The following PCDH9 variants were observed in gnomAD, a reference collection of about 807,000 sequenced individuals.
PCDH9 encodes the protein protocadherin-9.
A neutral mutation model predicts 70.6 loss-of-function variants in PCDH9; 24 were observed. That is an observed-to-expected ratio of 0.34 (90% CI 0.25 to 0.48). PCDH9 has a LOEUF of 0.48. Ranked by LOEUF, PCDH9 falls within the 20% of genes least tolerant of loss-of-function variation. PCDH9 has a pLI of 0.99. For missense variants in PCDH9, 1,281 were observed against 1,503.6 expected (o/e 0.85, Z 2.45); for synonymous variants, 562 against 558.5 (o/e 1.01, Z -0.09).
intron 2 of PCDH9, chr13:67,204,021 GA>G (rs942661830): frequency 6.4e-4 from 97 of 151,936 alleles, no homozygotes; most frequent in Non-Finnish European, 1.0e-3. Flanking sequence ...AAAAGACATG[GA>G]AAAAATATTT....
intron 2 of PCDH9, among the ~76,000 whole-genome samples, chr13:67,040,966 T>G (rs2085102322): frequency 6.6e-6 from 1 of 152,132 alleles, no homozygotes; most frequent in South Asian, 2.1e-4. Flanking sequence ...AATATTGGCA[T>G]GGCTGAAGAA....
At chr13:66,680,430 C>T (rs1031260534) in intron 3 of PCDH9, among the ~76,000 whole-genome samples, 1 of 151,874 alleles carries the variant, frequency 6.6e-6, no homozygotes, top group African/African-American at 2.4e-5. Flanking sequence ...TCTAGTTAAC[C>T]TGGACAGTTT....
At chr13:67,016,578 T>C (rs901976270) in intron 2 of PCDH9, among the ~76,000 whole-genome samples, 1 of 152,154 alleles carries the variant, frequency 6.6e-6, no homozygotes, top group Non-Finnish European at 1.5e-5. Flanking sequence ...CCTACAAATC[T>C]CCTATAAAAC....
intron 2 of PCDH9, among the ~76,000 whole-genome samples, chr13:67,125,841 A>ATG (rs34815072): frequency 0.14 from 21,261 of 150,068 alleles, 1,702 homozygotes; most frequent in East Asian, 0.26. Flanking sequence ...GTATATATAT[A>ATG]TGTGTGTGTG....
In PCDH9 at chr13:66,304,357, T is replaced by A. The variant is rs1192213846; in HGVS notation, c.*298A>T. The A allele has an allele frequency of 2.4e-5, 5 of 211,966 alleles. No individual in the cohort carries two copies. Among genetic ancestry groups the A allele is most frequent in the Non-Finnish European group, 4.6e-5 (5 of 107,614 alleles). The allele number at this position is 211,966 out of a possible 1,614,324, so 13.1% of individuals were successfully genotyped here. A position where few individuals can be genotyped will look rare whatever the true frequency, so the allele number is the denominator to read the frequency against. On this transcript the variant is annotated 3_prime_UTR_variant, in exon 5 of 5. Coordinates refer to ENST00000377865, the MANE Select transcript of PCDH9 (RefSeq NM_203487.3). ...GAAACTTTCTTACTTTCCAAATGCA[T>A]ATTCTATTGTTCATAGCAGCAGTCC...
intron 2 of PCDH9, chr13:67,217,459 A>G (rs758314424): frequency 3.9e-5 from 6 of 152,102 alleles, no homozygotes; most frequent in Admixed American, 2.6e-4. Context: ...TAAAATATGC[A>G]TGGCTATTTG....
chr13:67,192,041 G>A (rs939828380), intron 2 of PCDH9, among the ~76,000 whole-genome samples: 4 of 151,596 alleles, frequency 2.6e-5, no homozygotes, highest in African/African-American at 4.8e-5. Context: ...GTAATTTGTC[G>A]ATTAGTAAAT....
chr13:67,220,890 A>T (rs536161184), intron 2 of PCDH9: 1 of 152,230 alleles, frequency 6.6e-6, no homozygotes, highest in African/African-American at 2.4e-5. Flanking sequence ...GATGGAAAGA[A>T]AAATAGTCAA....
intron 2 of PCDH9, among the ~76,000 whole-genome samples, chr13:67,129,630 T>C (rs2087061744): frequency 6.6e-6 from 1 of 151,824 alleles, no homozygotes. Context: ...AATATACATA[T>C]ATATATATGT....
chr13:66,900,564 T>C (rs914632470), intron 3 of PCDH9, among the ~76,000 whole-genome samples: 2 of 151,824 alleles, frequency 1.3e-5, no homozygotes, highest in Admixed American at 6.6e-5. Flanking sequence ...TTTTTCTCAA[T>C]AGCTGATATA....
At chr13:66,399,843 TAAAC>T (rs1316540835) in intron 4 of PCDH9, among the ~76,000 whole-genome samples, 5 of 152,000 alleles carry the variant, frequency 3.3e-5, no homozygotes, top group Non-Finnish European at 5.9e-5. Context: ...AACAAACAAA[TAAAC>T]AAAACCCACC....
intron 3 of PCDH9, among the ~76,000 whole-genome samples, chr13:66,769,169 T>A (rs1274890782): frequency 6.6e-6 from 1 of 152,022 alleles, no homozygotes; most frequent in African/African-American, 2.4e-5. Context: ...TTTAAAATAG[T>A]ATTCCCACCC....
intron 3 of PCDH9, among the ~76,000 whole-genome samples, chr13:66,813,351 T>A (rs2080542970): frequency 6.6e-6 from 1 of 152,032 alleles, no homozygotes; most frequent in Admixed American, 6.6e-5. Context: ...AAAATATTAA[T>A]AATAGAGATT....
intron 3 of PCDH9, among the ~76,000 whole-genome samples, chr13:66,701,146 C>T (rs2078641249): frequency 1.3e-5 from 2 of 150,730 alleles, no homozygotes; most frequent in African/African-American, 2.4e-5. Context: ...TCAAAATGAC[C>T]ATTTATATGA....
chr13:66,726,319 G>A (rs2079004725), intron 3 of PCDH9, among the ~76,000 whole-genome samples: 1 of 152,122 alleles, frequency 6.6e-6, no homozygotes, highest in Admixed American at 6.6e-5. Context: ...AAGACAAAGG[G>A]TGGTCTTGAC....
chr13:66,710,959 G>C (rs7330555), intron 3 of PCDH9, among the ~76,000 whole-genome samples: 51,054 of 151,824 alleles, frequency 0.34, 9,021 homozygotes, highest in East Asian at 0.51. Flanking sequence ...GCTAATCTCT[G>C]CAGTTCACAT....
chr13:66,774,406 G>T (rs2139281626), intron 3 of PCDH9, among the ~76,000 whole-genome samples: 1 of 146,324 alleles, frequency 6.8e-6, no homozygotes, highest in Admixed American at 6.7e-5. Context: ...GCAGAAGAAA[G>T]AGGGGGGAAA....
chr13:66,864,458 G>A (rs965033695), intron 3 of PCDH9, among the ~76,000 whole-genome samples: 2 of 152,078 alleles, frequency 1.3e-5, no homozygotes, highest in Non-Finnish European at 2.9e-5. Context: ...CTTCTTTTTG[G>A]TGGTTGTGTT....
intron 3 of PCDH9, among the ~76,000 whole-genome samples, chr13:66,785,696 A>G (rs1412124699): frequency 6.6e-6 from 1 of 152,150 alleles, no homozygotes; most frequent in East Asian, 1.9e-4. Flanking sequence ...TTAATCCAAC[A>G]GAAAGTTGTT....
Sources: allele counts gnomAD v4.1 joint callset (sites outside exome capture counted in the v4.1 genomes callset), GRCh38; gene constraint gnomAD v4.1.1; transcripts MANE v1.5; gene names NCBI Gene and HGNC (gene_info 2026-07-23, HGNC 2026-07-21).